Variants in TSHR observed in about 807,000 individuals in gnomAD.
TSHR encodes thyroid stimulating hormone receptor.
Under a neutral mutation model 64.1 loss-of-function variants are expected in TSHR, and 51 were observed. The ratio of observed to expected loss-of-function variants is 0.80; its 90% CI spans 0.64 to 1.01. TSHR has a LOEUF of 1.01. Ranked by LOEUF, TSHR falls within the 50% of genes least tolerant of loss-of-function variation. The pLI, the probability that TSHR is intolerant of heterozygous loss-of-function variation, is 0.00. For synonymous variants in TSHR, 361 were observed against 361.9 expected (o/e 1.00, Z 0.03); for missense variants, 877 against 942.8 (o/e 0.93, Z 0.91).
intron 7 of TSHR, among the ~76,000 whole-genome samples, chr14:81,097,972 A>AC (rs3216588): frequency 0.22 from 33,098 of 152,014 alleles, 4,845 homozygotes; most frequent in African/African-American, 0.41. Context: ...GGTGATACTT[A>AC]CCCCCTCAAA....
chr14:81,063,611 G>A (rs961003792), intron 2 of TSHR, among the ~76,000 whole-genome samples: 2 of 152,034 alleles, frequency 1.3e-5, no homozygotes, highest in Admixed American at 6.6e-5. Flanking sequence ...TGGTGTCTCT[G>A]TTTGCATGTC....
chr14:80,997,974 C>T (rs1003952259), intron 1 of TSHR, among the ~76,000 whole-genome samples: 2 of 152,186 alleles, frequency 1.3e-5, no homozygotes, highest in Non-Finnish European at 2.9e-5. Flanking sequence ...TTGGGAAGCT[C>T]ATTCTCTCAT....
chr14:81,062,035 C>T, intron 1 of TSHR, 113 bp from the exon 2 acceptor site: 2 of 903,792 alleles, frequency 2.2e-6, no homozygotes, highest in Non-Finnish European at 3.5e-6. Flanking sequence ...ATGTATCAGC[C>T]AACATATTGT....
chr14:81,051,807 A>C (rs1885447775), intron 1 of TSHR: 1 of 151,984 alleles, frequency 6.6e-6, no homozygotes, highest in Admixed American at 6.6e-5. Context: ...AGCATTTTTA[A>C]CTATATCTGT....
chr14:80,963,355 G>A (rs896623390), intron 1 of TSHR, among the ~76,000 whole-genome samples: 1 of 152,134 alleles, frequency 6.6e-6, no homozygotes, highest in Non-Finnish European at 1.5e-5. Flanking sequence ...GTTCCATATA[G>A]TTAGGGTTGC....
chr14:81,008,869 C>T (rs1889747368), intron 1 of TSHR, among the ~76,000 whole-genome samples: 1 of 152,104 alleles, frequency 6.6e-6, no homozygotes, highest in Admixed American at 6.5e-5. Flanking sequence ...TATAAAAGCT[C>T]ATCTGTCCAT....
chr14:81,043,333 C>A (rs527371436), intron 1 of TSHR, among the ~76,000 whole-genome samples: 1 of 152,170 alleles, frequency 6.6e-6, no homozygotes, highest in South Asian at 2.1e-4. Context: ...AACTCCCATT[C>A]ACAACTGCTA....
intron 1 of TSHR, among the ~76,000 whole-genome samples, chr14:81,060,112 C>A (rs568354226): frequency 6.6e-6 from 1 of 152,156 alleles, no homozygotes; most frequent in East Asian, 1.9e-4. Context: ...TGAACATGGG[C>A]TAAACTCAAA....
In TSHR at chr14:81,145,180, G is replaced by C. The variant is rs1031927011; in HGVS notation, c.*827G>C. ...AATCCCCTGTTGATTAATAAAACAG[G>C]CTGGACACTAATTAACTATGGGACT... On this transcript the variant is annotated 3_prime_UTR_variant, in exon 10 of 10. Coordinates refer to ENST00000298171, the MANE Select transcript of TSHR (RefSeq NM_000369.5). 1 of 233,094 alleles carries C rather than the reference G, an allele frequency of 4.3e-6. No homozygotes were observed. The highest frequency in any genetic ancestry group is 2.2e-5 in the African/African-American group (1 of 45,452). 14.4% of individuals were successfully genotyped at this position (233,094 alleles called of 1,614,324 possible).
intron 8 of TSHR, among the ~76,000 whole-genome samples, chr14:81,113,031 G>C (rs1890296729): frequency 6.6e-6 from 1 of 152,178 alleles, no homozygotes; most frequent in African/African-American, 2.4e-5. Context: ...AGCATTTTGA[G>C]CATAGGTGTG....
At position 80,996,476 on chromosome 14, in the gene TSHR, A is replaced by G. The variant is rs184568171; in HGVS notation, c.170+40626A>G. Among the ~76,000 whole-genome samples, 251 of 152,326 alleles carry G rather than the reference A, an allele frequency of 1.6e-3. 1 individual carries two copies. Among genetic ancestry groups the G allele is most frequent in the African/African-American group, 5.9e-3 (244 of 41,576 alleles). ...TTTCTGAATCACTTTGCTCTGTCAGATTAAGCTTTCAGCTAACCAGCAGAG... is the reference window on the plus strand; with the variant it reads ...TTTCTGAATCACTTTGCTCTGTCAGGTTAAGCTTTCAGCTAACCAGCAGAG... On this transcript the variant is annotated intron_variant, in intron 1 of 9. Coordinates refer to ENST00000298171, the MANE Select transcript of TSHR (RefSeq NM_000369.5).
intron 1 of TSHR, among the ~76,000 whole-genome samples, chr14:81,061,745 G>T (rs981292872): frequency 2.0e-5 from 3 of 151,926 alleles, no homozygotes; most frequent in Non-Finnish European, 4.4e-5. Context: ...CCTGACACCA[G>T]TTTACCTATA....
intron 8 of TSHR, among the ~76,000 whole-genome samples, chr14:81,123,760 G>A (rs1397217447): frequency 1.3e-5 from 2 of 152,080 alleles, no homozygotes; most frequent in Non-Finnish European, 2.9e-5. Context: ...TAGAGTCAGA[G>A]GATCTATTAT....
chr14:81,003,902 G>T (rs969867027), intron 1 of TSHR, among the ~76,000 whole-genome samples: 2 of 151,952 alleles, frequency 1.3e-5, no homozygotes, highest in African/African-American at 4.8e-5. Context: ...ACTAAATCCC[G>T]CCAATTTGTT....
At chr14:80,999,783 G>A (rs1889208166) in intron 1 of TSHR, among the ~76,000 whole-genome samples, 1 of 152,010 alleles carries the variant, frequency 6.6e-6, no homozygotes, top group East Asian at 1.9e-4. Context: ...ATTTCTGTTA[G>A]ACCAGTAATT....
intron 1 of TSHR, chr14:81,032,735 G>A: frequency 9.2e-6 from 4 of 433,938 alleles, no homozygotes; most frequent in Non-Finnish European, 1.8e-5. Flanking sequence ...AGGTCATCAT[G>A]GCAGAACTTG....
At position 81,102,339 on chromosome 14, in the gene TSHR, A is replaced by C. The variant is rs73338226; in HGVS notation, c.614+5632A>C. On this transcript the variant is annotated intron_variant, in intron 7 of 9. Transcript: ENST00000298171. ...ACGGCAGAGATATTCTGTCAGTGAC[A>C]ATGGATTTTCAATTCACTGGTGCCA... Among the ~76,000 whole-genome samples the C allele has an allele frequency of 5.8e-3, 874 of 151,914 alleles. 8 individuals are homozygous for C. The highest frequency in any genetic ancestry group is 0.02 in the African/African-American group (818 of 41,180).
chr14:81,066,824 G>T (rs1162244213), intron 2 of TSHR, among the ~76,000 whole-genome samples: 1 of 152,134 alleles, frequency 6.6e-6, no homozygotes, highest in Non-Finnish European at 1.5e-5. Context: ...GAGAATCTCT[G>T]CTATGGCTAT....
intron 1 of TSHR, among the ~76,000 whole-genome samples, chr14:81,058,980 A>G (rs1194807813): frequency 6.6e-6 from 1 of 152,152 alleles, no homozygotes; most frequent in Non-Finnish European, 1.5e-5. Flanking sequence ...CAAACATTCT[A>G]TAAATTAACT....
Sources: gnomAD v4.1 joint callset for allele counts (sites outside exome capture counted in the v4.1 genomes callset) on GRCh38, gnomAD v4.1.1 for gene constraint, MANE v1.5 for transcripts, NCBI Gene and HGNC (gene_info 2026-07-23, HGNC 2026-07-21) for gene names.